PTPRD: variants seen among roughly 807,000 people sequenced by gnomAD.
PTPRD encodes protein tyrosine phosphatase receptor type D.
Under a neutral mutation model 214.5 loss-of-function variants are expected in PTPRD, and 34 were observed. That is an observed-to-expected ratio of 0.16 (90% CI 0.12 to 0.21). The LOEUF (loss-of-function observed/expected upper bound fraction) is 0.21. Among genes scored for constraint, PTPRD ranks in the 10% least tolerant of loss-of-function variants. The probability of loss-of-function intolerance (pLI) is 1.00; values close to 1 mark genes in which losing one functional copy is unlikely to be tolerated. For synonymous variants in PTPRD, 1,128 were observed against 845.7 expected, an observed-to-expected ratio of 1.33 and a Z score of -5.79; for missense variants, 2,545 against 2,398.7, an observed-to-expected ratio of 1.06 and a Z score of -1.27.
At chr9:8,363,215 A>G (rs951255700) in intron 39 of PTPRD, among the ~76,000 whole-genome samples, 10 of 152,216 alleles carry the variant, frequency 6.6e-5, no homozygotes, top group Admixed American at 1.3e-4. Context: ...TATCTTCTGC[A>G]TTCATTTACA....
chr9:9,562,494 G>C (rs900082987), intron 8 of PTPRD, among the ~76,000 whole-genome samples: 30 of 152,186 alleles, frequency 2.0e-4, no homozygotes, highest in Admixed American at 3.9e-4. Context: ...ACTGCTCTTA[G>C]TGTTAAAGCC....
chr9:8,984,305 G>A (rs1490887359), intron 11 of PTPRD, among the ~76,000 whole-genome samples: 1 of 151,960 alleles, frequency 6.6e-6, no homozygotes, highest in East Asian at 1.9e-4. Context: ...ATCATAAAAT[G>A]TGCCCTAAGC....
At chr9:9,761,258 A>G (rs776527016) in intron 6 of PTPRD, among the ~76,000 whole-genome samples, 1 of 152,202 alleles carries the variant, frequency 6.6e-6, no homozygotes, top group African/African-American at 2.4e-5. Context: ...GTGAATCTCC[A>G]AAAATTAGGC....
At chr9:9,083,233 G>A (rs571506479) in intron 10 of PTPRD, among the ~76,000 whole-genome samples, 15 of 152,080 alleles carry the variant, frequency 9.9e-5, no homozygotes, top group South Asian at 4.2e-4. Flanking sequence ...AACCCAGGCC[G>A]CAGAAATAAC....
At chr9:8,679,907 C>A (rs1313953091) in intron 12 of PTPRD, among the ~76,000 whole-genome samples, 1 of 152,148 alleles carries the variant, frequency 6.6e-6, no homozygotes, top group Non-Finnish European at 1.5e-5. Context: ...TGTACTAATT[C>A]TAATTACCAA....
rs2154527172 is a variant in PTPRD, at chr9:8,822,717, G to C, written c.-103-88771C>G. Among the ~76,000 whole-genome samples the C allele has an allele frequency of 1.3e-5, 2 of 152,200 alleles. 1 individual carries two copies. Among genetic ancestry groups the C allele is most frequent in the East Asian group, 3.9e-4 (2 of 5,164 alleles). On this transcript the variant is annotated intron_variant, in intron 11 of 45. Coordinates refer to ENST00000381196, the MANE Select transcript of PTPRD (RefSeq NM_002839.4). ...ATTTTTATACCCAAATTAGACATAG[G>C]AAACCAAAGCTAACAGAGATTAAGC...
chr9:10,304,391 T>C (rs1038401230), intron 3 of PTPRD, among the ~76,000 whole-genome samples: 40 of 152,070 alleles, frequency 2.6e-4, no homozygotes, highest in African/African-American at 9.7e-4. Context: ...CTATTCAACA[T>C]AGTATTGGAA....
At chr9:10,511,874 G>C (rs2048163463) in intron 2 of PTPRD, among the ~76,000 whole-genome samples, 1 of 86,810 alleles carries the variant, frequency 1.2e-5, no homozygotes, top group Non-Finnish European at 2.5e-5. Context: ...GTGTGTGTGT[G>C]TGTGTATATA....
At chr9:10,511,878 G>GTGTGTA (rs1555453789) in intron 2 of PTPRD, among the ~76,000 whole-genome samples, 7,394 of 133,674 alleles carry the variant, frequency 0.055, 543 homozygotes, top group African/African-American at 0.15. Context: ...GTGTGTGTGT[G>GTGTGTA]TATATACACA....
intron 2 of PTPRD, among the ~76,000 whole-genome samples, chr9:10,523,281 T>C (rs187412223): frequency 2.6e-5 from 4 of 152,118 alleles, no homozygotes; most frequent in African/African-American, 9.6e-5. Flanking sequence ...TACCACTACA[T>C]AGTACCACGT....
At chr9:9,548,694 C>T (rs976769166) in intron 8 of PTPRD, among the ~76,000 whole-genome samples, 16 of 152,000 alleles carry the variant, frequency 1.1e-4, no homozygotes, top group Admixed American at 9.8e-4. Flanking sequence ...GTATTATAAG[C>T]ACTGATCATA....
In PTPRD at chr9:8,420,816, T is replaced by A. The variant is rs560556510; in HGVS notation, c.4086+15776A>T. ...CAGATCATTTTTCTTTTTTTTTTTTTTTAAAAAAAGAAAATATAAAGACAC... is the reference window on the plus strand; with the variant it reads ...CAGATCATTTTTCTTTTTTTTTTTTATTAAAAAAAGAAAATATAAAGACAC... On this transcript the variant is annotated intron_variant, in intron 35 of 45. Transcript: ENST00000381196. 2.3e-3 allele frequency among the ~76,000 whole-genome samples: 276 copies of A among 118,900 alleles called. 2 individuals carry two copies. The East Asian group carries it at 0.043, about 19-fold the overall frequency. The allele number at this position is 118,900 out of a possible 152,430, so 78.0% of individuals were successfully genotyped here.
intron 5 of PTPRD, among the ~76,000 whole-genome samples, chr9:9,844,621 G>T (rs951915858): frequency 6.6e-6 from 1 of 151,864 alleles, no homozygotes; most frequent in African/African-American, 2.4e-5. Context: ...GGACAAAATA[G>T]TCCCTCATAA....
chr9:8,879,190 G>A (rs2098421130), intron 11 of PTPRD, among the ~76,000 whole-genome samples: 1 of 152,140 alleles, frequency 6.6e-6, no homozygotes, highest in Non-Finnish European at 1.5e-5. Flanking sequence ...ATGAGCTCAG[G>A]AAAATAAGAT....
At chr9:9,759,128 A>G (rs10977956) in intron 6 of PTPRD, among the ~76,000 whole-genome samples, 5,851 of 152,200 alleles carry the variant, frequency 0.038, 554 homozygotes, top group East Asian at 0.38. Context: ...CTTAATTTCT[A>G]TCTTTGAGCA....
At chr9:9,216,929 AT>A (rs899369085) in intron 9 of PTPRD, among the ~76,000 whole-genome samples, 1 of 151,840 alleles carries the variant, frequency 6.6e-6, no homozygotes, top group Non-Finnish European at 1.5e-5. Context: ...AATTATTTCT[AT>A]TTTTTTTCTA....
intron 3 of PTPRD, among the ~76,000 whole-genome samples, chr9:10,136,176 G>C (rs1158886464): frequency 6.6e-6 from 1 of 151,538 alleles, no homozygotes; most frequent in African/African-American, 2.4e-5. Flanking sequence ...AATTCAACAA[G>C]AACACCTAAT....
At chr9:9,002,860 G>A (rs1025326176) in intron 11 of PTPRD, among the ~76,000 whole-genome samples, 2 of 152,018 alleles carry the variant, frequency 1.3e-5, no homozygotes, top group Non-Finnish European at 1.5e-5. Flanking sequence ...ATGTACCAAC[G>A]CTTCCTTGTG....
chr9:9,837,490 C>T (rs772631506), intron 5 of PTPRD, among the ~76,000 whole-genome samples: 1 of 152,050 alleles, frequency 6.6e-6, no homozygotes, highest in Non-Finnish European at 1.5e-5. Flanking sequence ...GGTCCAGTGT[C>T]GCATATAAAA....
Sources: allele counts gnomAD v4.1 joint callset (sites outside exome capture counted in the v4.1 genomes callset), GRCh38; gene constraint gnomAD v4.1.1; transcripts MANE v1.5; gene names NCBI Gene and HGNC (gene_info 2026-07-23, HGNC 2026-07-21).